The following USP7 variants were observed in gnomAD, a reference collection of about 807,000 sequenced individuals.
The protein encoded by USP7 is ubiquitin specific peptidase 7, also known as ubiquitin C-terminal hydrolase 7.
Under a neutral mutation model 162.9 loss-of-function variants are expected in USP7, and 9 were observed. That is an observed-to-expected ratio of 0.06 (90% confidence interval 0.03 to 0.10). USP7 has a LOEUF of 0.10. USP7 is among the 10% of genes least tolerant of loss of function. The probability of loss-of-function intolerance (pLI) is 1.00; values close to 1 mark genes in which losing one functional copy is unlikely to be tolerated. For synonymous variants in USP7, 562 were observed against 475.9 expected (o/e 1.18, Z -2.35); for missense variants, 715 against 1,373.7 (o/e 0.52, Z 7.58).
chr16:8,944,770 G>A (rs557602364), intron 1 of USP7, among the ~76,000 whole-genome samples: 2 of 152,326 alleles, frequency 1.3e-5, no homozygotes, highest in African/African-American at 4.8e-5. Flanking sequence ...CAATTCAAGG[G>A]CTGTCAGATC....
intron 12 of USP7, 48 bp downstream of exon 12, chr16:8,908,293 G>T: frequency 2.0e-6 from 3 of 1,463,864 alleles, no homozygotes; most frequent in South Asian, 1.1e-5. Flanking sequence ...TAACCCCCTA[G>T]ACCAGCATGA....
chr16:8,953,078 G>C (rs556174753), intron 1 of USP7, among the ~76,000 whole-genome samples: 1 of 152,150 alleles, frequency 6.6e-6, no homozygotes, highest in East Asian at 1.9e-4. Context: ...CTCGTAATCT[G>C]TCGCCTTGGC....
chr16:8,958,225 G>A (rs1899885514), intron 1 of USP7, among the ~76,000 whole-genome samples: 1 of 152,238 alleles, frequency 6.6e-6, no homozygotes, highest in African/African-American at 2.4e-5. Flanking sequence ...TCTTATGCAA[G>A]CCAACAGGGA....
At chr16:8,930,449 G>A (rs775584853) in intron 1 of USP7, 52 bp from the exon 2 acceptor site, 2 of 1,335,860 alleles carry the variant, frequency 1.5e-6, no homozygotes, top group Non-Finnish European at 2.1e-6. Context: ...GGCTTTAATA[G>A]AATAAGCAAA....
At chr16:8,939,297 C>T (rs1315733720) in intron 1 of USP7, among the ~76,000 whole-genome samples, 1 of 152,206 alleles carries the variant, frequency 6.6e-6, no homozygotes, top group Admixed American at 6.5e-5. Context: ...CGGCAACCCT[C>T]ATATGTTCTG....
chr16:8,936,448 T>TTA lies in USP7; in HGVS notation c.80-6053_80-6052dup, dbSNP rs1395262493. 8 of 877,316 alleles carry TTA rather than the reference T, an allele frequency of 9.1e-6. No individual in the cohort carries two copies. The African/African-American group carries it at 1.4e-4, about 15-fold the overall frequency. 54.3% of individuals were successfully genotyped at this position (877,316 alleles called of 1,614,324 possible). A position where few individuals can be genotyped will look rare whatever the true frequency, so the allele number is the denominator to read the frequency against. On this transcript the variant is annotated intron_variant, in intron 1 of 30. Transcript: ENST00000344836. ...GAGGTAAACTAGAAAGCAGTGATCT[T>TTA]TATATAAATTTTACTGATACAATGT...
chr16:8,951,856 G>T (rs1039456338), intron 1 of USP7, among the ~76,000 whole-genome samples: 1 of 152,198 alleles, frequency 6.6e-6, no homozygotes, highest in Non-Finnish European at 1.5e-5. Context: ...ATCTACCAAC[G>T]TGCGTTATTT....
At chr16:8,899,865 C>A in intron 21 of USP7, 108 bp from the exon 22 acceptor site, 3 of 1,348,284 alleles carry the variant, frequency 2.2e-6, no homozygotes, top group Non-Finnish European at 2.1e-6. Flanking sequence ...GGCTCTCTTG[C>A]AAGATAAATT....
At chr16:8,919,607 T>TTTATTTTG (rs201638486) in intron 5 of USP7, among the ~76,000 whole-genome samples, 226 of 152,174 alleles carry the variant, frequency 1.5e-3, no homozygotes, top group African/African-American at 5.1e-3. Context: ...CAGAGCTTTT[T>TTTATTTTG]TTATTTTGTG....
chr16:8,935,201 ATTTTTTTTT>A (rs35380091), intron 1 of USP7, among the ~76,000 whole-genome samples: 2 of 136,410 alleles, frequency 1.5e-5, no homozygotes, highest in African/African-American at 5.4e-5. Context: ...TAAGGCACTA[ATTTTTTTTT>A]TTTTTTTTTT....
At chr16:8,926,091 T>C (rs1458544523) in intron 2 of USP7, among the ~76,000 whole-genome samples, 2 of 151,506 alleles carry the variant, frequency 1.3e-5, no homozygotes. Flanking sequence ...GAGGCGAAGC[T>C]TGCAGTGAGC....
At chr16:8,941,944 T>A (rs1034151467) in intron 1 of USP7, among the ~76,000 whole-genome samples, 1 of 152,174 alleles carries the variant, frequency 6.6e-6, no homozygotes, top group Non-Finnish European at 1.5e-5. Context: ...ACGCACACAG[T>A]GACAGCCACA....
At chr16:8,905,164 G>T (rs201987652) in intron 14 of USP7, 23 bp downstream of exon 14, 1 of 1,610,144 alleles carries the variant, frequency 6.2e-7, no homozygotes, top group Non-Finnish European at 8.5e-7. Flanking sequence ...GTAAAGAACA[G>T]AACAAAAGTG....
At chr16:8,914,282 C>A (rs2061995526) in intron 10 of USP7, among the ~76,000 whole-genome samples, 1 of 151,960 alleles carries the variant, frequency 6.6e-6, no homozygotes, top group Non-Finnish European at 1.5e-5. Context: ...ACTGACAGCT[C>A]CAGTGTGGGT....
rs565673681 is a variant in USP7 at position 8,907,278 on chromosome 16, G to A, written c.1272-696C>T. On this transcript the variant is annotated intron_variant, in intron 12 of 30. Transcript: ENST00000344836. The stretch of plus-strand genomic sequence containing the variant: ...AATAAAAACAAAGTGAGGATCCAAA[G>A]AAACATACCAACAGGTTGGAATTGG... 9.2e-5 allele frequency among the ~76,000 whole-genome samples: 14 copies of A among 152,316 alleles called. No individual in the cohort carries two copies. The South Asian group carries it at 2.9e-3, about 32-fold the overall frequency.
At chr16:8,904,637 T>A in intron 14 of USP7, 72 bp from the exon 15 acceptor site, 1 of 1,565,876 alleles carries the variant, frequency 6.4e-7, no homozygotes, top group East Asian at 2.3e-5. Context: ...CGATTCTAGG[T>A]CATCATTAAT....
rs1897376368 is a variant in USP7 at position 8,916,508 on chromosome 16, A to G, written c.900T>C (p.Cys300=). The change falls in exon 8 of 31, where the codon TGT becomes TGC. Residue 300 remains cysteine, a synonymous_variant. Transcript: ENST00000344836. ...AGTATTGCTTGAAACTTACCACTCG[A>G]CAAAGCTCCTGAACATCATGTTGCA... ...SFMQHDVQEL[C]RVLLDNVENK... 9 of 1,610,782 alleles carry G rather than the reference A, an allele frequency of 5.6e-6. No homozygotes were observed. The highest frequency in any genetic ancestry group is 7.6e-6 in the Non-Finnish European group (9 of 1,179,074).
intron 1 of USP7, among the ~76,000 whole-genome samples, chr16:8,936,208 C>T (rs1172570670): frequency 6.6e-6 from 1 of 152,132 alleles, no homozygotes; most frequent in Non-Finnish European, 1.5e-5. Flanking sequence ...TAGTAACAAC[C>T]TAGTGATCAA....
chr16:8,913,242 G>C (rs2061976349), intron 10 of USP7, among the ~76,000 whole-genome samples: 1 of 152,210 alleles, frequency 6.6e-6, no homozygotes, highest in Non-Finnish European at 1.5e-5. Flanking sequence ...TCTAATCCCA[G>C]CTACTTGTGA....
Sources: allele counts gnomAD v4.1 joint callset (sites outside exome capture counted in the v4.1 genomes callset), GRCh38; gene constraint gnomAD v4.1.1; transcripts MANE v1.5; gene names NCBI Gene and HGNC (gene_info 2026-07-23, HGNC 2026-07-21).